The following UBE2H variants were observed in gnomAD, a reference collection of about 807,000 sequenced individuals.
The protein encoded by UBE2H is ubiquitin-conjugating enzyme E2 H.
Under a neutral mutation model 29.0 loss-of-function variants are expected in UBE2H, and 3 were observed. That is an observed-to-expected ratio of 0.10 (90% CI 0.05 to 0.27). The LOEUF (loss-of-function observed/expected upper bound fraction) is 0.27, where lower values mean the gene tolerates loss of function less well. Ranked by LOEUF, UBE2H falls within the 10% of genes least tolerant of loss-of-function variation. UBE2H has a pLI of 1.00. For synonymous variants in UBE2H, 69 were observed against 82.9 expected (o/e 0.83, Z 0.91); for missense variants, 68 against 228.2 (o/e 0.30, Z 4.52).
chr7:129,916,612 T>C (rs1807048989), intron 1 of UBE2H, among the ~76,000 whole-genome samples: 1 of 152,122 alleles, frequency 6.6e-6, no homozygotes, highest in South Asian at 2.1e-4. Context: ...CAGCCTGTTT[T>C]AGATTTCATT....
intron 1 of UBE2H, among the ~76,000 whole-genome samples, chr7:129,909,473 T>A (rs1806886373): frequency 6.6e-6 from 1 of 152,220 alleles, no homozygotes; most frequent in South Asian, 2.1e-4. Flanking sequence ...GTTTGCTCAC[T>A]GAGCATTCTT....
chr7:129,911,657 A>C (rs1806941020), intron 1 of UBE2H, among the ~76,000 whole-genome samples: 1 of 152,054 alleles, frequency 6.6e-6, no homozygotes, highest in African/African-American at 2.4e-5. Context: ...TATTTTTTAG[A>C]GACAGGGTCT....
At chr7:129,923,390 T>C (rs895714216) in intron 1 of UBE2H, among the ~76,000 whole-genome samples, 1 of 152,198 alleles carries the variant, frequency 6.6e-6, no homozygotes. Context: ...CCAATAAATA[T>C]TACTACCAAC....
chr7:129,908,263 G>A (rs978121417), intron 1 of UBE2H, among the ~76,000 whole-genome samples: 28 of 152,166 alleles, frequency 1.8e-4, no homozygotes, highest in African/African-American at 6.8e-4. Context: ...AAGAATTAAA[G>A]CATGCCCATG....
chr7:129,941,983 C>T (rs1049950676), intron 1 of UBE2H, among the ~76,000 whole-genome samples: 4 of 151,114 alleles, frequency 2.6e-5, no homozygotes, highest in African/African-American at 9.7e-5. Flanking sequence ...GCCAAGGCAG[C>T]CAGACCGCTT....
At chr7:129,902,239 C>T (rs535513821) in intron 1 of UBE2H, among the ~76,000 whole-genome samples, 1 of 152,190 alleles carries the variant, frequency 6.6e-6, no homozygotes, top group African/African-American at 2.4e-5. Context: ...TGGCTCACAG[C>T]TGTAATCTCA....
At chr7:129,866,735 C>T (rs1805911205) in intron 3 of UBE2H, among the ~76,000 whole-genome samples, 1 of 152,196 alleles carries the variant, frequency 6.6e-6, no homozygotes, top group Admixed American at 6.5e-5. Context: ...ACTGATGTAA[C>T]AATACATTTT....
intron 5 of UBE2H, among the ~76,000 whole-genome samples, chr7:129,854,294 G>A (rs1012119423): frequency 6.6e-6 from 1 of 152,192 alleles, no homozygotes; most frequent in East Asian, 1.9e-4. Flanking sequence ...TATTCTACCA[G>A]TACTTTATAT....
At chr7:129,938,654 C>T (rs1807580358) in intron 1 of UBE2H, among the ~76,000 whole-genome samples, 1 of 149,420 alleles carries the variant, frequency 6.7e-6, no homozygotes, top group South Asian at 2.1e-4. Flanking sequence ...TGTGGTGAGT[C>T]GAGATTACGC....
intron 1 of UBE2H, among the ~76,000 whole-genome samples, chr7:129,916,474 TAAAAA>T (rs3043708): frequency 0.012 from 1,731 of 139,044 alleles, 39 homozygotes; most frequent in African/African-American, 0.044. Context: ...TTCTAACAAT[TAAAAA>T]AAAAAAAAAA....
At chr7:129,914,080 C>A (rs1293359418) in intron 1 of UBE2H, among the ~76,000 whole-genome samples, 1 of 152,174 alleles carries the variant, frequency 6.6e-6, no homozygotes, top group Non-Finnish European at 1.5e-5. Context: ...TACCAATGGG[C>A]TCTGGCCAGA....
chr7:129,850,142 A>T (rs1046800722), intron 5 of UBE2H, among the ~76,000 whole-genome samples: 2 of 152,108 alleles, frequency 1.3e-5, no homozygotes, highest in Admixed American at 6.6e-5. Flanking sequence ...CCAGGTGGGC[A>T]GATCACTTGA....
At chr7:129,879,538 T>A (rs1244237304) in intron 3 of UBE2H, 30 bp downstream of exon 3, 1 of 1,592,436 alleles carries the variant, frequency 6.3e-7, no homozygotes, top group African/African-American at 1.3e-5. Flanking sequence ...TTCAAAACTC[T>A]CTAAGGAGAA....
intron 1 of UBE2H, among the ~76,000 whole-genome samples, chr7:129,902,968 G>A (rs564682089): frequency 1.2e-4 from 19 of 152,134 alleles, no homozygotes; most frequent in Admixed American, 9.8e-4. Context: ...ATACACTGTC[G>A]GGCTGCAACC....
intron 5 of UBE2H, among the ~76,000 whole-genome samples, chr7:129,853,730 A>G (rs1805652773): frequency 6.6e-6 from 1 of 152,256 alleles, no homozygotes. Flanking sequence ...GGCTTACCAG[A>G]AATCAATGGC....
intron 1 of UBE2H, among the ~76,000 whole-genome samples, chr7:129,882,108 C>T (rs1256155271): frequency 6.6e-6 from 1 of 152,190 alleles, no homozygotes; most frequent in Non-Finnish European, 1.5e-5. Flanking sequence ...AACTTACCTA[C>T]CCCTGAGATT....
rs766989548 is a variant in UBE2H at position 129,832,111 on chromosome 7, T to C, written c.*2826A>G. ...AAACACCGCTGCTCCAGACTTACGCTACCATCTATTGTTGGGGGCCCAGAG... is the reference window on the plus strand; with the variant it reads ...AAACACCGCTGCTCCAGACTTACGCCACCATCTATTGTTGGGGGCCCAGAG... On this transcript the variant is annotated 3_prime_UTR_variant, in exon 7 of 7. Transcript: ENST00000355621. 2.6e-5 allele frequency: 4 copies of C among 152,270 alleles called. No individual in the cohort carries two copies. Among genetic ancestry groups the C allele is most frequent in the African/African-American group, 9.6e-5 (4 of 41,454 alleles). 9.4% of individuals were successfully genotyped at this position (152,270 alleles called of 1,614,324 possible). A position where few individuals can be genotyped will look rare whatever the true frequency, so the allele number is the denominator to read the frequency against.
At chr7:129,852,863 T>G (rs972870623) in intron 5 of UBE2H, among the ~76,000 whole-genome samples, 13 of 152,066 alleles carry the variant, frequency 8.5e-5, no homozygotes, top group Admixed American at 2.0e-4. Flanking sequence ...GTAGCTGGAA[T>G]TACAGGTATG....
intron 5 of UBE2H, among the ~76,000 whole-genome samples, chr7:129,852,359 C>T (rs1270153270): frequency 2.0e-5 from 3 of 151,982 alleles, no homozygotes; most frequent in East Asian, 1.9e-4. Flanking sequence ...CCCAGCTACT[C>T]GGGAGGCTGA....
Sources: allele counts gnomAD v4.1 joint callset (sites outside exome capture counted in the v4.1 genomes callset), GRCh38; gene constraint gnomAD v4.1.1; transcripts MANE v1.5; gene names NCBI Gene and HGNC (gene_info 2026-07-23, HGNC 2026-07-21).